KCNQ5: variants seen among roughly 807,000 people sequenced by gnomAD.
KCNQ5 encodes potassium voltage-gated channel subfamily KQT member 5.
In KCNQ5, 30 loss-of-function variants were observed where a neutral mutation model predicts 98.2. The ratio of observed to expected loss-of-function variants is 0.31; its 90% CI spans 0.23 to 0.41. KCNQ5 has a LOEUF of 0.41. KCNQ5 is among the 10% of genes least tolerant of loss of function. The pLI, the probability that KCNQ5 is intolerant of heterozygous loss-of-function variation, is 1.00. For missense variants in KCNQ5, 835 were observed against 1,182.5 expected, an observed-to-expected ratio of 0.71 and a Z score of 4.31; for synonymous variants, 458 against 449.4, an observed-to-expected ratio of 1.02 and a Z score of -0.24.
At chr6:72,626,248 G>T (rs558767444) in intron 1 of KCNQ5, among the ~76,000 whole-genome samples, 1 of 152,242 alleles carries the variant, frequency 6.6e-6, no homozygotes, top group Non-Finnish European at 1.5e-5. Flanking sequence ...GGGCAGAAAA[G>T]TCAGCACAGG....
intron 1 of KCNQ5, among the ~76,000 whole-genome samples, chr6:72,970,071 C>A (rs1453237709): frequency 6.6e-6 from 1 of 152,038 alleles, no homozygotes; most frequent in African/African-American, 2.4e-5. Flanking sequence ...CCTGCTTGGG[C>A]AACATAGCAA....
chr6:72,954,230 C>T (rs1766937987), intron 1 of KCNQ5, among the ~76,000 whole-genome samples: 3 of 152,124 alleles, frequency 2.0e-5, no homozygotes, highest in Admixed American at 6.6e-5. Flanking sequence ...GAGAGCCACA[C>T]CTGAAAAATC....
intron 1 of KCNQ5, among the ~76,000 whole-genome samples, chr6:72,941,379 C>T (rs1766244412): frequency 1.5e-5 from 1 of 67,740 alleles, no homozygotes; most frequent in South Asian, 7.1e-4. Context: ...CTTCTTTCCT[C>T]CTTCCTTCCT....
chr6:73,169,771 T>C lies in KCNQ5; in HGVS notation c.1494T>C (p.Asp498=), dbSNP rs201298765. The part of the protein sequence containing the change: ...IDADTALGTD[D]VYDEKGCQCD... The stretch of plus-strand genomic sequence containing the variant: ...CTGACACAGCCCTTGGCACTGATGA[T>C]GTATATGATGAAAAAGGATGCCAGT... The change falls in exon 11 of 14, where the codon GAT becomes GAC. Residue 498 remains aspartate, a synonymous_variant. Coordinates refer to ENST00000370398, the MANE Select transcript of KCNQ5 (RefSeq NM_019842.4). 38 of 1,613,550 alleles carry C rather than the reference T, an allele frequency of 2.4e-5. No homozygotes were observed. In the African/African-American group the frequency reaches 3.9e-4, roughly 16 times the overall value.
rs897828264 is a variant in KCNQ5, at chr6:73,123,267, T to C, written c.1221-1219T>C. Among the ~76,000 whole-genome samples the C allele has an allele frequency of 8.5e-5, 13 of 152,120 alleles. No homozygotes were observed. In the East Asian group the frequency reaches 2.5e-3, roughly 29 times the overall value. ...AGAAAAGTAAAATAAAGAAGGAATT[T>C]AGGGAGCATCAGAGGCTATAATTTC... On this transcript the variant is annotated intron_variant, in intron 8 of 13. Coordinates refer to ENST00000370398, the MANE Select transcript of KCNQ5 (RefSeq NM_019842.4).
chr6:72,972,832 T>TAA (rs1767970492), intron 1 of KCNQ5, among the ~76,000 whole-genome samples: 1 of 152,204 alleles, frequency 6.6e-6, no homozygotes, highest in Non-Finnish European at 1.5e-5. Context: ...TACAATGTGT[T>TAA]TGTATAATGT....
At chr6:72,816,123 T>C (rs1370207413) in intron 1 of KCNQ5, among the ~76,000 whole-genome samples, 8 of 152,066 alleles carry the variant, frequency 5.3e-5, no homozygotes, top group Non-Finnish European at 7.4e-5. Flanking sequence ...GCAGAAGTCA[T>C]AGGGGGAGAA....
intron 1 of KCNQ5, among the ~76,000 whole-genome samples, chr6:72,872,146 G>A (rs930554688): frequency 6.6e-6 from 1 of 152,182 alleles, no homozygotes; most frequent in African/African-American, 2.4e-5. Context: ...ATCCAAACAT[G>A]TTCACATGTA....
rs187752076 is a variant in KCNQ5 at position 73,030,567 on chromosome 6, G to A, written c.490-11369G>A. ...CTTAGGTAATAAAATGCACTTTGGT[G>A]CTTATAAAGGAAAATAATCATCATA... is the stretch of plus-strand genomic sequence containing the variant. On this transcript the variant is annotated intron_variant, in intron 2 of 13. Transcript: ENST00000370398. Among the ~76,000 whole-genome samples the A allele has an allele frequency of 2.6e-5, 4 of 152,316 alleles. No individual in the cohort carries two copies. The East Asian group carries it at 7.7e-4, about 29-fold the overall frequency.
chr6:72,669,600 C>A (rs532469928), intron 1 of KCNQ5, among the ~76,000 whole-genome samples: 21 of 152,284 alleles, frequency 1.4e-4, no homozygotes, highest in African/African-American at 3.6e-4. Context: ...CAGTTCTGAT[C>A]ATCTCTGAAT....
chr6:72,722,311 C>A (rs1770011407), intron 1 of KCNQ5, among the ~76,000 whole-genome samples: 1 of 152,224 alleles, frequency 6.6e-6, no homozygotes, highest in South Asian at 2.1e-4. Flanking sequence ...TAAAACCTTT[C>A]TCTTGCCTAA....
intron 10 of KCNQ5, chr6:73,157,975 AC>A (rs1254418998): frequency 1.3e-6 from 1 of 759,006 alleles, no homozygotes; most frequent in African/African-American, 1.7e-5. Flanking sequence ...GACTCTTCAT[AC>A]CCCTTGAACG....
chr6:72,879,558 T>C (rs138227326), intron 1 of KCNQ5, among the ~76,000 whole-genome samples: 93 of 152,338 alleles, frequency 6.1e-4, no homozygotes, highest in African/African-American at 2.2e-3. Context: ...ACTTCTACCA[T>C]TGTGGTACCT....
chr6:72,694,370 GAAGGCTTGATATGT>G lies in KCNQ5; in HGVS notation c.398+71787_398+71800del, dbSNP rs986688971. ...TGGATGGTTTCTGTTATTTTGGTCT[GAAGGCTTGATATGT>G]AAGAGATGCATCCTTACTTTGTGCC... On this transcript the variant is annotated intron_variant, in intron 1 of 13. Transcript: ENST00000370398. Among the ~76,000 whole-genome samples the G allele has an allele frequency of 2.2e-4, 34 of 152,248 alleles. No homozygotes were observed. The Middle Eastern group carries it at 0.01, about 46-fold the overall frequency.
chr6:73,149,359 T>C (rs1777051535), intron 10 of KCNQ5, among the ~76,000 whole-genome samples: 1 of 152,158 alleles, frequency 6.6e-6, no homozygotes, highest in African/African-American at 2.4e-5. Context: ...GTTTTAAAGG[T>C]CAAGTAATAA....
At chr6:72,752,263 A>C (rs1771724483) in intron 1 of KCNQ5, among the ~76,000 whole-genome samples, 1 of 152,146 alleles carries the variant, frequency 6.6e-6, no homozygotes, top group East Asian at 1.9e-4. Context: ...TCTTCACTAA[A>C]GTCATGCTAT....
intron 1 of KCNQ5, among the ~76,000 whole-genome samples, chr6:72,962,740 G>T (rs1315515141): frequency 2.0e-5 from 3 of 152,174 alleles, no homozygotes; most frequent in Non-Finnish European, 2.9e-5. Context: ...GGGAACCAAT[G>T]GCAGCATCCA....
At chr6:72,766,627 G>A (rs553714465) in intron 1 of KCNQ5, among the ~76,000 whole-genome samples, 1 of 152,052 alleles carries the variant, frequency 6.6e-6, no homozygotes, top group East Asian at 1.9e-4. Context: ...TGCAGGATTT[G>A]CTAACACTTT....
intron 2 of KCNQ5, among the ~76,000 whole-genome samples, chr6:73,010,129 C>A (rs1278456051): frequency 6.6e-6 from 1 of 151,914 alleles, no homozygotes; most frequent in Non-Finnish European, 1.5e-5. Context: ...CGTATATTTA[C>A]CAGAATATTA....
Sources: gnomAD v4.1 joint callset for allele counts (sites outside exome capture counted in the v4.1 genomes callset) on GRCh38, gnomAD v4.1.1 for gene constraint, MANE v1.5 for transcripts, NCBI Gene and HGNC (gene_info 2026-07-23, HGNC 2026-07-21) for gene names.